ABTB2: variants seen among roughly 807,000 people sequenced by gnomAD.
ABTB2 encodes ankyrin repeat and BTB/POZ domain-containing protein 2.
In ABTB2, 56 loss-of-function variants were observed where a neutral mutation model predicts 104.1. That is an observed-to-expected ratio of 0.54 (90% confidence interval 0.43 to 0.67). ABTB2 has a LOEUF of 0.67. ABTB2 is among the 30% of genes least tolerant of loss of function. The probability of loss-of-function intolerance (pLI) is 0.00; values close to 1 mark genes in which losing one functional copy is unlikely to be tolerated. For missense variants in ABTB2, 1,279 were observed against 1,407.7 expected, an observed-to-expected ratio of 0.91 and a Z score of 1.46; for synonymous variants, 606 against 608.2, an observed-to-expected ratio of 1.00 and a Z score of 0.05.
intron 1 of ABTB2, among the ~76,000 whole-genome samples, chr11:34,308,868 CAAA>C (rs57658114): frequency 0.12 from 9,611 of 77,662 alleles, 396 homozygotes; most frequent in East Asian, 0.27. Flanking sequence ...GAAACTGTCT[CAAA>C]AAAAAAAAAA....
At chr11:34,170,859 C>T (rs1186891994) in intron 5 of ABTB2, 47 bp downstream of exon 5, 5 of 1,590,382 alleles carry the variant, frequency 3.1e-6, no homozygotes, top group East Asian at 2.2e-5. Context: ...CTGAGAATTC[C>T]CAACTCTGGT....
At chr11:34,160,441 C>T in intron 11 of ABTB2, 88 bp from the exon 12 acceptor site, 3 of 958,838 alleles carry the variant, frequency 3.1e-6, no homozygotes, top group Non-Finnish European at 5.0e-6. Context: ...TTCAAAAGTC[C>T]AGGCCAGGAG....
chr11:34,339,409 G>A (rs1590262620), intron 1 of ABTB2, among the ~76,000 whole-genome samples: 1 of 152,144 alleles, frequency 6.6e-6, no homozygotes, highest in Non-Finnish European at 1.5e-5. Flanking sequence ...CAATGAAGGC[G>A]ACCACAGCAC....
At chr11:34,246,675 G>A (rs1214162017) in intron 1 of ABTB2, among the ~76,000 whole-genome samples, 5 of 140,900 alleles carry the variant, frequency 3.5e-5, no homozygotes, top group African/African-American at 1.1e-4. Context: ...TGTACTCTTC[G>A]CCATTTCAAC....
chr11:34,177,592 C>T (rs1030210219), intron 3 of ABTB2, among the ~76,000 whole-genome samples: 3 of 152,070 alleles, frequency 2.0e-5, no homozygotes, highest in African/African-American at 7.3e-5. Context: ...AGTCCAGTTT[C>T]CACCTATCTG....
At chr11:34,194,809 T>C (rs902183191) in intron 3 of ABTB2, among the ~76,000 whole-genome samples, 1 of 151,734 alleles carries the variant, frequency 6.6e-6, no homozygotes, top group Admixed American at 6.6e-5. Context: ...GGGGTTCCAA[T>C]TCCCCATGTG....
rs1852538546 is a variant in ABTB2, at chr11:34,151,541, A to C, written c.*846T>G. ...TTCATCGCCCCCACAAAGGCAACCT[A>C]GTCTAGGCCTGAGGTTCCAGAATCC... is the stretch of plus-strand genomic sequence containing the variant. On this transcript the variant is annotated 3_prime_UTR_variant, in exon 17 of 17. Coordinates refer to ENST00000435224, the MANE Select transcript of ABTB2 (RefSeq NM_145804.3). 2 of 152,270 alleles carry C rather than the reference A, an allele frequency of 1.3e-5. No individual in the cohort carries two copies. Among genetic ancestry groups the C allele is most frequent in the South Asian group, 4.1e-4 (2 of 4,830 alleles). 9.4% of individuals were successfully genotyped at this position (152,270 alleles called of 1,614,324 possible).
intron 1 of ABTB2, among the ~76,000 whole-genome samples, chr11:34,220,873 GGGTT>G (rs1853612592): frequency 6.6e-6 from 1 of 152,166 alleles, no homozygotes; most frequent in African/African-American, 2.4e-5. Context: ...GTGTTGGCAG[GGGTT>G]GGTTTCTCAT....
chr11:34,262,401 A>G (rs540366453), intron 1 of ABTB2, among the ~76,000 whole-genome samples: 1 of 152,322 alleles, frequency 6.6e-6, no homozygotes, highest in African/African-American at 2.4e-5. Flanking sequence ...ATGCTGCTAC[A>G]TCAGATCCAG....
intron 3 of ABTB2, among the ~76,000 whole-genome samples, chr11:34,192,497 C>T (rs895820756): frequency 6.6e-5 from 10 of 152,176 alleles, no homozygotes; most frequent in African/African-American, 1.2e-4. Flanking sequence ...TTTCTAGGCC[C>T]GACCCCCAAT....
At chr11:34,194,193 A>T (rs1853218173) in intron 3 of ABTB2, among the ~76,000 whole-genome samples, 1 of 152,208 alleles carries the variant, frequency 6.6e-6, no homozygotes, top group African/African-American at 2.4e-5. Context: ...CCAAACCCAT[A>T]TCACCAAACT....
At chr11:34,346,316 T>A (rs945065539) in intron 1 of ABTB2, among the ~76,000 whole-genome samples, 1 of 152,076 alleles carries the variant, frequency 6.6e-6, no homozygotes, top group African/African-American at 2.4e-5. Flanking sequence ...TATCCAAGTC[T>A]GGGTAGGCGG....
intron 3 of ABTB2, among the ~76,000 whole-genome samples, chr11:34,190,415 G>A (rs1282785921): frequency 2.6e-5 from 4 of 152,314 alleles, no homozygotes; most frequent in East Asian, 1.9e-4. Flanking sequence ...ATGCACCTGA[G>A]CTTCCTCCTG....
chr11:34,192,417 C>T (rs1424640522), intron 3 of ABTB2, among the ~76,000 whole-genome samples: 4 of 152,122 alleles, frequency 2.6e-5, no homozygotes, highest in African/African-American at 4.8e-5. Flanking sequence ...CTCAAATGCA[C>T]GCCTTTGAAT....
At position 34,280,647 on chromosome 11, in the gene ABTB2, A is replaced by AC. The variant is rs555606066; in HGVS notation, c.884-75958dup. ...CACATTAAGTCCTCAGTAATAACGGACAATCTCAACACCCACCATCTGGCC... is the reference window on the plus strand; with the variant it reads ...CACATTAAGTCCTCAGTAATAACGGACCAATCTCAACACCCACCATCTGGCC... On this transcript the variant is annotated intron_variant, in intron 1 of 16. Transcript: ENST00000435224. Among the ~76,000 whole-genome samples, 398 of 152,314 alleles carry AC rather than the reference A, an allele frequency of 2.6e-3. 1 individual carries two copies. Among genetic ancestry groups the AC allele is most frequent in the Non-Finnish European group, 4.7e-3 (321 of 68,022 alleles).
intron 1 of ABTB2, among the ~76,000 whole-genome samples, chr11:34,268,681 C>G (rs1395487267): frequency 2.0e-5 from 3 of 152,216 alleles, no homozygotes; most frequent in Non-Finnish European, 4.4e-5. Context: ...GAACTTTATT[C>G]TGCTACACTC....
At chr11:34,298,122 GTGTTT>G (rs1206702757) in intron 1 of ABTB2, among the ~76,000 whole-genome samples, 1 of 150,794 alleles carries the variant, frequency 6.6e-6, no homozygotes, top group East Asian at 1.9e-4. Flanking sequence ...CCAGTCTCAG[GTGTTT>G]TGTTATAACA....
intron 1 of ABTB2, among the ~76,000 whole-genome samples, chr11:34,317,267 C>T (rs183718266): frequency 5.3e-5 from 8 of 152,264 alleles, no homozygotes; most frequent in African/African-American, 1.7e-4. Flanking sequence ...ATTCCACTGC[C>T]CTCTGTTCAG....
chr11:34,190,069 G>GTC (rs971340739), intron 3 of ABTB2, among the ~76,000 whole-genome samples: 17 of 152,182 alleles, frequency 1.1e-4, no homozygotes, highest in African/African-American at 4.1e-4. Context: ...GCAAAACCCT[G>GTC]TCTCTACTAA....
Sources: gnomAD v4.1 joint callset for allele counts (sites outside exome capture counted in the v4.1 genomes callset) on GRCh38, gnomAD v4.1.1 for gene constraint, MANE v1.5 for transcripts, NCBI Gene and HGNC (gene_info 2026-07-23, HGNC 2026-07-21) for gene names.